Variants in MYO1D observed in about 807,000 individuals in gnomAD.
MYO1D encodes unconventional myosin-Id.
In MYO1D, 83 loss-of-function variants were observed where a neutral mutation model predicts 122.0. The ratio of observed to expected loss-of-function variants is 0.68; its 90% CI spans 0.57 to 0.82. The LOEUF (loss-of-function observed/expected upper bound fraction) is 0.82. Ranked by LOEUF, MYO1D falls within the 40% of genes least tolerant of loss-of-function variation. The pLI, the probability that MYO1D is intolerant of heterozygous loss-of-function variation, is 0.00. For synonymous variants in MYO1D, 464 were observed against 446.9 expected, an observed-to-expected ratio of 1.04 and a Z score of -0.48; for missense variants, 1,157 against 1,269.5, an observed-to-expected ratio of 0.91 and a Z score of 1.35.
rs189679951 is a variant in MYO1D at position 32,696,610 on chromosome 17, C to G, written c.2121+15378G>C. 2.0e-5 allele frequency among the ~76,000 whole-genome samples: 3 copies of G among 152,130 alleles called. 1 individual carries two copies. Among genetic ancestry groups the G allele is most frequent in the African/African-American group, 7.2e-5 (3 of 41,404 alleles). ...GAAAGGGTTAGTAAATATTTATATA[C>G]CTGTTATAAAATTCAAGTTATTCTA... On this transcript the variant is annotated intron_variant, in intron 16 of 21. Transcript: ENST00000318217.
chr17:32,628,515 A>G lies in MYO1D; in HGVS notation c.2709+10207T>C, dbSNP rs117137530. On this transcript the variant is annotated intron_variant, in intron 20 of 21. Coordinates refer to ENST00000318217, the MANE Select transcript of MYO1D (RefSeq NM_015194.3). ...AATTCTCGCTAATGGAAGAGGGGGA[A>G]AAAGTGCCAAATTCAGCTTTTAATT... Among the ~76,000 whole-genome samples, 176 of 152,332 alleles carry G rather than the reference A, an allele frequency of 1.2e-3. 3 individuals are homozygous for G. In the East Asian group the frequency reaches 0.031, roughly 27 times the overall value.
At chr17:32,817,224 T>G (rs1567656117) in intron 1 of MYO1D, among the ~76,000 whole-genome samples, 2 of 152,206 alleles carry the variant, frequency 1.3e-5, no homozygotes. Flanking sequence ...CCACCATGCC[T>G]GGCTAACAGT....
At chr17:32,811,421 T>A (rs1388905966) in intron 1 of MYO1D, among the ~76,000 whole-genome samples, 1 of 152,086 alleles carries the variant, frequency 6.6e-6, no homozygotes, top group African/African-American at 2.4e-5. Context: ...CCCAAATCCA[T>A]CCCCGCTACT....
intron 21 of MYO1D, among the ~76,000 whole-genome samples, chr17:32,560,040 A>G (rs1276619664): frequency 6.6e-6 from 1 of 152,154 alleles, no homozygotes; most frequent in Non-Finnish European, 1.5e-5. Flanking sequence ...GCAGATCACG[A>G]GGTCAGGAGT....
intron 1 of MYO1D, among the ~76,000 whole-genome samples, chr17:32,837,267 T>TA (rs1374349732): frequency 6.9e-6 from 1 of 144,442 alleles, no homozygotes; most frequent in Non-Finnish European, 1.5e-5. Flanking sequence ...TTTTTTTTTT[T>TA]AACTGGGCTG....
chr17:32,677,661 G>A (rs1301805961), intron 16 of MYO1D, among the ~76,000 whole-genome samples: 1 of 146,242 alleles, frequency 6.8e-6, no homozygotes, highest in Non-Finnish European at 1.5e-5. Context: ...ATTGCAAAAG[G>A]CATAAAGTAT....
At chr17:32,674,496 T>C (rs896951786) in intron 16 of MYO1D, among the ~76,000 whole-genome samples, 5 of 152,174 alleles carry the variant, frequency 3.3e-5, no homozygotes, top group Non-Finnish European at 2.9e-5. Flanking sequence ...CCATGCCTTG[T>C]CCTAGACACT....
intron 20 of MYO1D, among the ~76,000 whole-genome samples, chr17:32,611,578 C>T (rs1425092740): frequency 6.6e-6 from 1 of 152,232 alleles, no homozygotes; most frequent in East Asian, 1.9e-4. Context: ...GTGGCTTACA[C>T]CAGTAACCTC....
At chr17:32,775,734 T>C (rs1418677620) in intron 4 of MYO1D, 130 bp downstream of exon 4, 4 of 832,582 alleles carry the variant, frequency 4.8e-6, no homozygotes, top group Non-Finnish European at 7.1e-6. Context: ...TACCTTATCA[T>C]AAAAAGCTAA....
At chr17:32,820,318 A>G (rs182791513) in intron 1 of MYO1D, among the ~76,000 whole-genome samples, 1 of 152,332 alleles carries the variant, frequency 6.6e-6, no homozygotes, top group East Asian at 1.9e-4. Flanking sequence ...TCTTCACCCC[A>G]TGTTCACTGC....
rs148967006 is a variant in MYO1D at position 32,755,188 on chromosome 17, C to T, written c.1467+304G>A. ...TTCTAGCACATGAGCAAGGACTCTA[C>T]ATCTATTGGTTACAAATGACATCAT... On this transcript the variant is annotated intron_variant, in intron 11 of 21. Transcript: ENST00000318217. 5.5e-3 allele frequency among the ~76,000 whole-genome samples: 838 copies of T among 152,304 alleles called. 7 individuals carry two copies. The highest frequency in any genetic ancestry group is 0.018 in the African/African-American group (751 of 41,566).
chr17:32,756,386 T>A (rs1341628605), intron 10 of MYO1D: 1 of 207,106 alleles, frequency 4.8e-6, no homozygotes, highest in Non-Finnish European at 9.9e-6. Context: ...CTTACTCTGA[T>A]TCAGCCTCTT....
intron 19 of MYO1D, among the ~76,000 whole-genome samples, chr17:32,644,398 G>T (rs1324609831): frequency 6.6e-6 from 1 of 152,170 alleles, no homozygotes; most frequent in African/African-American, 2.4e-5. Context: ...CTGTTGATTT[G>T]GGGTGGAGAG....
At chr17:32,874,338 T>C (rs2151095812) in intron 1 of MYO1D, among the ~76,000 whole-genome samples, 1 of 151,928 alleles carries the variant, frequency 6.6e-6, no homozygotes, top group Non-Finnish European at 1.5e-5. Flanking sequence ...CTCTCTCTGT[T>C]TTCTTTCTTC....
intron 21 of MYO1D, chr17:32,529,904 C>T (rs1022486350): frequency 6.6e-6 from 1 of 152,224 alleles, no homozygotes. Flanking sequence ...CCCACTGTAC[C>T]TGGGCTCCAC....
chr17:32,566,106 CAT>C (rs2087171125), intron 21 of MYO1D, among the ~76,000 whole-genome samples: 1 of 152,100 alleles, frequency 6.6e-6, no homozygotes, highest in South Asian at 2.1e-4. Flanking sequence ...TCATTCAACA[CAT>C]AGTTCCTGTG....
intron 16 of MYO1D, among the ~76,000 whole-genome samples, chr17:32,672,820 T>C (rs963542042): frequency 3.3e-5 from 5 of 152,028 alleles, no homozygotes; most frequent in Non-Finnish European, 5.9e-5. Context: ...ACAGTTTTCA[T>C]TGTGCTGATT....
chr17:32,776,234 T>C (rs1164508158), intron 3 of MYO1D, among the ~76,000 whole-genome samples: 1 of 152,106 alleles, frequency 6.6e-6, no homozygotes, highest in East Asian at 1.9e-4. Context: ...AATGAAATAC[T>C]ATACAGGTGC....
chr17:32,615,183 T>G (rs939604653), intron 20 of MYO1D, among the ~76,000 whole-genome samples: 3 of 152,210 alleles, frequency 2.0e-5, no homozygotes, highest in Non-Finnish European at 4.4e-5. Context: ...TAATCCCAGA[T>G]AGTTGGCACT....
Sources: allele counts gnomAD v4.1 joint callset (sites outside exome capture counted in the v4.1 genomes callset), GRCh38; gene constraint gnomAD v4.1.1; transcripts MANE v1.5; gene names NCBI Gene and HGNC (gene_info 2026-07-23, HGNC 2026-07-21).